Variants in CCNDBP1 observed in about 807,000 individuals in gnomAD.
The protein encoded by CCNDBP1 is cyclin D1 binding protein 1.
CCNDBP1 carries 45 observed loss-of-function variants against 46.2 expected under a neutral mutation model. The ratio of observed to expected loss-of-function variants is 0.97; its 90% CI spans 0.77 to 1.25. The LOEUF (loss-of-function observed/expected upper bound fraction) is 1.25. Among genes scored for constraint, CCNDBP1 ranks in the 50% most tolerant of loss-of-function variants. The pLI, the probability that CCNDBP1 is intolerant of heterozygous loss-of-function variation, is 0.00. For synonymous variants in CCNDBP1, 154 were observed against 163.6 expected (o/e 0.94, Z 0.45); for missense variants, 436 against 442.1 (o/e 0.99, Z 0.12).
Position 43,190,055 on chromosome 15 carries a change from G to A in CCNDBP1, c.332G>A (p.Gly111Glu). ...GCTTATTCTTTGGGTTTGGCCACAG[G>A]GATCACCCTGAGAAAGCTGGTACGG... Reference protein sequence around the residue: ...AVYYLLPKDQGITLRKLVRGA... With the variant: ...AVYYLLPKDQEITLRKLVRGA... Residue 111 changes from glycine (G) to glutamate (E), a missense_variant and splice_region_variant, in exon 5 of 11, where the codon GGG (glycine) becomes GAG (glutamate). Gly to Glu is a moderately conservative substitution (Grantham distance 98). Transcript: ENST00000300213. 1 of 1,614,018 alleles carries A rather than the reference G, an allele frequency of 6.2e-7. No homozygotes were observed. The highest frequency in any genetic ancestry group is 1.1e-5 in the South Asian group (1 of 91,074).
Position 43,190,154 on chromosome 15 carries a change from A to T in CCNDBP1, c.428+3A>T, listed in dbSNP as rs1362620135. On this transcript the variant is annotated splice_donor_region_variant and intron_variant, in intron 5 of 10. Coordinates refer to ENST00000300213, the MANE Select transcript of CCNDBP1 (RefSeq NM_012142.5). Reference sequence around the variant, plus strand: ...CTTTCCGTCACTCCAACTCAGAGGTAGTGATGCCACAGTTTAGGTTACCAG... The same window carrying T: ...CTTTCCGTCACTCCAACTCAGAGGTTGTGATGCCACAGTTTAGGTTACCAG... The T allele has an allele frequency of 1.2e-6, 2 of 1,613,736 alleles. No homozygotes were observed. The highest frequency in any genetic ancestry group is 1.1e-5 in the South Asian group (1 of 91,024).
At position 43,194,418 on chromosome 15, in the gene CCNDBP1, G is replaced by A. The variant is rs2042012022; in HGVS notation, c.925G>A (p.Ala309Thr). 1 of 1,604,746 alleles carries A rather than the reference G, an allele frequency of 6.2e-7. No homozygotes were observed. The highest frequency in any genetic ancestry group is 1.7e-5 in the Admixed American group (1 of 57,174). The change falls in exon 10 of 11, where the codon GCG becomes ACG. Residue 309 changes from alanine (A) to threonine (T), a missense_variant. By Grantham distance (58) the Ala-to-Thr change is moderately conservative (BLOSUM62 0). Coordinates refer to ENST00000300213, the MANE Select transcript of CCNDBP1 (RefSeq NM_012142.5). ...MCHLTVRINS[A>T]KLVSVLKKAL... ...AACTTCTGTGTTTCTTTTCTAGTCT[G>A]CGAAACTTGTATCTGTTTTAAAGAA...
chr15:43,186,781 T>C (rs1362179705), intron 3 of CCNDBP1, among the ~76,000 whole-genome samples: 2 of 152,228 alleles, frequency 1.3e-5, no homozygotes. Flanking sequence ...CCCCAGTTCC[T>C]TTTGCATTAT....
Position 43,185,546 on chromosome 15 carries a change from G to T in CCNDBP1, c.48G>T (p.Ser16=). ...CAGCCGCAGTCCCCACCCTGGCTTC[G>T]CCTTTGGAGCAGCTCCGGCACTTGG... ...APAAAVPTLA[S]PLEQLRHLAE... The change falls in exon 1 of 11, where the codon TCG becomes TCT. Residue 16 remains serine (S), a synonymous_variant. Coordinates refer to ENST00000300213, the MANE Select transcript of CCNDBP1 (RefSeq NM_012142.5). 9 of 1,595,896 alleles carry T rather than the reference G, an allele frequency of 5.6e-6. No homozygotes were observed. Among genetic ancestry groups the T allele is most frequent in the Non-Finnish European group, 7.7e-6 (9 of 1,173,700 alleles).
chr15:43,188,063 G>C (rs1296761942), intron 3 of CCNDBP1, among the ~76,000 whole-genome samples: 1 of 151,748 alleles, frequency 6.6e-6, no homozygotes, highest in African/African-American at 2.4e-5. Context: ...AAAATTATGT[G>C]CTCGGATGTT....
At chr15:43,185,646 G>A in intron 1 of CCNDBP1, 39 bp downstream of exon 1, 1 of 1,443,222 alleles carries the variant, frequency 6.9e-7, no homozygotes, top group South Asian at 1.2e-5. Flanking sequence ...GGCAGGGGCG[G>A]GCTCGGGGTC....
At chr15:43,194,295 CAT>C (rs1433064140) in intron 9 of CCNDBP1, 118 bp from the exon 10 acceptor site, 1 of 722,644 alleles carries the variant, frequency 1.4e-6, no homozygotes, top group African/African-American at 1.9e-5. Flanking sequence ...TTAAATTTTG[CAT>C]ACTTCCTTCA....
chr15:43,185,436 C>A lies in CCNDBP1; in HGVS notation c.-63C>A. 1 of 1,272,712 alleles carries A rather than the reference C, an allele frequency of 7.9e-7. No individual in the cohort carries two copies. The highest frequency in any genetic ancestry group is 1.1e-6 in the Non-Finnish European group (1 of 904,832). 78.8% of individuals were successfully genotyped at this position (1,272,712 alleles called of 1,614,324 possible). A position where few individuals can be genotyped will look rare whatever the true frequency, so the allele number is the denominator to read the frequency against. On this transcript the variant is annotated 5_prime_UTR_variant, in exon 1 of 11. Coordinates refer to ENST00000300213, the MANE Select transcript of CCNDBP1 (RefSeq NM_012142.5). ...TGTGGCCCGGAAGTGGAGCGGCTGT[C>A]GCAGTGCGGCTCCGGCAGTGGCAGC... is the stretch of plus-strand genomic sequence containing the variant.
Position 43,196,327 on chromosome 15 carries a change from C to G in CCNDBP1, c.*1486C>G, listed in dbSNP as rs2142246142. 6.8e-6 allele frequency: 1 copy of G among 147,478 alleles called. No individual in the cohort carries two copies. The allele number at this position is 147,478 out of a possible 1,614,324, so 9.1% of individuals were successfully genotyped here. A position where few individuals can be genotyped will look rare whatever the true frequency, so the allele number is the denominator to read the frequency against. On this transcript the variant is annotated 3_prime_UTR_variant, in exon 11 of 11. Coordinates refer to ENST00000300213, the MANE Select transcript of CCNDBP1 (RefSeq NM_012142.5). ...TTGAGATGGAGTCTTGCTCTGTCCC[C>G]CAAGCTGGAGTGCAGTGGCACACTC...
intron 4 of CCNDBP1, 27 bp from the exon 5 acceptor site, chr15:43,190,028 T>C (rs1020930823): frequency 6.3e-7 from 1 of 1,595,752 alleles, no homozygotes; most frequent in East Asian, 2.2e-5. Context: ...GAACACCAGG[T>C]TGCTTATTCT....
chr15:43,185,593 T>C lies in CCNDBP1; in HGVS notation c.95T>C (p.Leu32Pro). ...RHLAEELRLL[L>P]PRVRVGEAQE... ...TTGGCGGAGGAGCTGCGGTTGCTCC[T>C]GCCTCGAGTGCGGGGTGAGCTGACG... Residue 32 changes from leucine (L) to proline (P), a missense_variant, in exon 1 of 11, where the codon CTG becomes CCG. Coordinates refer to ENST00000300213, the MANE Select transcript of CCNDBP1 (RefSeq NM_012142.5). The C allele has an allele frequency of 6.6e-7, 1 of 1,508,398 alleles. No homozygotes were observed. Among genetic ancestry groups the C allele is most frequent in the Admixed American group, 1.9e-5 (1 of 51,732 alleles). 93.4% of individuals were successfully genotyped at this position (1,508,398 alleles called of 1,614,324 possible).
rs915638375 is a variant in CCNDBP1, at chr15:43,194,246, A to G, written c.922-169A>G. 30 of 524,642 alleles carry G rather than the reference A, an allele frequency of 5.7e-5. No homozygotes were observed. In the East Asian group the frequency reaches 9.2e-4, roughly 16 times the overall value. 32.5% of individuals were successfully genotyped at this position (524,642 alleles called of 1,614,324 possible). ...ATTAATAAGATCTTGCTAAATAGAAAAGAACCCGTAATCCTGCCACCCTAA... is the reference window on the plus strand; with the variant it reads ...ATTAATAAGATCTTGCTAAATAGAAGAGAACCCGTAATCCTGCCACCCTAA... On this transcript the variant is annotated intron_variant, in intron 9 of 10. Coordinates refer to ENST00000300213, the MANE Select transcript of CCNDBP1 (RefSeq NM_012142.5).
rs1390603062 is a variant in CCNDBP1, at chr15:43,195,937, G to A, written c.*1096G>A. On this transcript the variant is annotated 3_prime_UTR_variant, in exon 11 of 11. Coordinates refer to ENST00000300213, the MANE Select transcript of CCNDBP1 (RefSeq NM_012142.5). ...GCTTACTGTTTTGAAGTGCCATTTT[G>A]TATTGTTAACAAGTGTCATGAAGGG... The A allele has an allele frequency of 6.6e-6, 1 of 152,132 alleles. No individual in the cohort carries two copies. The highest frequency in any genetic ancestry group is 1.9e-4 in the East Asian group (1 of 5,196). The allele number at this position is 152,132 out of a possible 1,614,324, so 9.4% of individuals were successfully genotyped here. A position where few individuals can be genotyped will look rare whatever the true frequency, so the allele number is the denominator to read the frequency against.
rs937372520 is a variant in CCNDBP1 at position 43,197,165 on chromosome 15, T to C, written c.*2324T>C. ...GAGCCGTGAGCCAAATAAAGCTCTTTTCTTTTAAACTACCCAGCCTCAGTT... is the reference window on the plus strand; with the variant it reads ...GAGCCGTGAGCCAAATAAAGCTCTTCTCTTTTAAACTACCCAGCCTCAGTT... On this transcript the variant is annotated 3_prime_UTR_variant, in exon 11 of 11. Coordinates refer to ENST00000300213, the MANE Select transcript of CCNDBP1 (RefSeq NM_012142.5). 77 of 1,271,756 alleles carry C rather than the reference T, an allele frequency of 6.1e-5. No homozygotes were observed. The highest frequency in any genetic ancestry group is 7.8e-5 in the Non-Finnish European group (70 of 895,124). 78.8% of individuals were successfully genotyped at this position (1,271,756 alleles called of 1,614,324 possible). A position where few individuals can be genotyped will look rare whatever the true frequency, so the allele number is the denominator to read the frequency against.
intron 9 of CCNDBP1, chr15:43,193,167 G>C (rs780095289): frequency 9.5e-6 from 2 of 209,848 alleles, no homozygotes; most frequent in South Asian, 9.6e-5. Flanking sequence ...GCGAAACCTT[G>C]TCTCTACTAA....
intron 4 of CCNDBP1, 121 bp from the exon 5 acceptor site, chr15:43,189,934 C>T (rs1297199733): frequency 6.6e-6 from 5 of 756,796 alleles, no homozygotes; most frequent in Non-Finnish European, 1.1e-5. Context: ...TTTGTGTTAG[C>T]ATGTAGGTTA....
In CCNDBP1 at chr15:43,186,155, T is replaced by A; in HGVS notation, c.171T>A (p.Asn57Lys). The change falls in exon 3 of 11, where the codon AAT (asparagine) becomes AAA (lysine). Residue 57 changes from asparagine (N) to lysine (K), a missense_variant and splice_region_variant. Asn to Lys is a moderately conservative substitution (Grantham distance 94, BLOSUM62 0). Coordinates refer to ENST00000300213, the MANE Select transcript of CCNDBP1 (RefSeq NM_012142.5). ...FNREMFWRRL[N>K]EAAVTVSREA... ...GCCTCCTCTTCGGCCACCCCCCAGA[T>A]GAGGCAGCTGTGACTGTGTCAAGGG... 6.2e-7 allele frequency: 1 copy of A among 1,613,944 alleles called. No homozygotes were observed. The highest frequency in any genetic ancestry group is 8.5e-7 in the Non-Finnish European group (1 of 1,179,840).
At chr15:43,185,932 AC>A (rs1337467321) in intron 2 of CCNDBP1, 53 bp downstream of exon 2, 3 of 1,546,340 alleles carry the variant, frequency 1.9e-6, no homozygotes, top group Non-Finnish European at 1.8e-6. Context: ...CAGCGTCCCG[AC>A]CCCTTTTCCT....
chr15:43,187,191 T>C (rs985257821), intron 3 of CCNDBP1, among the ~76,000 whole-genome samples: 3 of 152,170 alleles, frequency 2.0e-5, no homozygotes, highest in African/African-American at 7.2e-5. Context: ...TCTACATATA[T>C]AGGTGTTTGG....
Sources: gnomAD v4.1 joint callset for allele counts (sites outside exome capture counted in the v4.1 genomes callset) on GRCh38, gnomAD v4.1.1 for gene constraint, MANE v1.5 for transcripts, NCBI Gene and HGNC (gene_info 2026-07-23, HGNC 2026-07-21) for gene names.